The following NEGR1 variants were observed in gnomAD, a reference collection of about 807,000 sequenced individuals.
NEGR1 encodes the protein IgLON family member 4.
In NEGR1, 10 loss-of-function variants were observed where a neutral mutation model predicts 40.9. The ratio of observed to expected loss-of-function variants is 0.24; its 90% confidence interval spans 0.15 to 0.42. The LOEUF is 0.42. Among genes scored for constraint, NEGR1 ranks in the 10% least tolerant of loss-of-function variants. The pLI is 1.00. For synonymous variants in NEGR1, 185 were observed against 166.8 expected, an observed-to-expected ratio of 1.11 and a Z score of -0.84; for missense variants, 352 against 438.9, an observed-to-expected ratio of 0.80 and a Z score of 1.77.
intron 6 of NEGR1, chr1:71,422,558 T>TA (rs1646404496): frequency 6.6e-6 from 1 of 152,190 alleles, no homozygotes; most frequent in South Asian, 2.1e-4. Context: ...GACAGGGGCC[T>TA]AGGTCAAGCT....
At chr1:71,688,379 T>TATAAAAGATATAA (rs1382186485) in intron 4 of NEGR1, among the ~76,000 whole-genome samples, 7 of 10,450 alleles carry the variant, frequency 6.7e-4, no homozygotes, top group Non-Finnish European at 1.9e-3. Context: ...GATATATACA[T>TATAAAAGATATAA]AAAAGATATA....
At chr1:71,704,470 C>A (rs1049196908) in intron 3 of NEGR1, among the ~76,000 whole-genome samples, 24 of 151,546 alleles carry the variant, frequency 1.6e-4, no homozygotes, top group Non-Finnish European at 7.4e-5. Flanking sequence ...AAATAGTACA[C>A]CTCCAAGAAA....
At position 71,694,779 on chromosome 1, in the gene NEGR1, T is replaced by C. The variant is rs72678917; in HGVS notation, c.667+3229A>G. Among the ~76,000 whole-genome samples, 1,131 of 151,852 alleles carry C rather than the reference T, an allele frequency of 7.4e-3. 5 individuals are homozygous for C. The highest frequency in any genetic ancestry group is 0.012 in the Non-Finnish European group (828 of 67,796). ...CTGAATCTACCGGAGCTTATGAAAA[T>C]GTATTATATTTCATCTTGAACCCCA... On this transcript the variant is annotated intron_variant, in intron 4 of 6. Coordinates refer to ENST00000357731, the MANE Select transcript of NEGR1 (RefSeq NM_173808.3).
chr1:71,547,043 C>T (rs1367526910), intron 6 of NEGR1, among the ~76,000 whole-genome samples: 1 of 151,664 alleles, frequency 6.6e-6, no homozygotes, highest in Non-Finnish European at 1.5e-5. Context: ...GTTGCTTTTG[C>T]TCTTATTTTT....
intron 3 of NEGR1, among the ~76,000 whole-genome samples, chr1:71,699,546 T>C (rs1386762405): frequency 2.0e-5 from 3 of 151,792 alleles, no homozygotes; most frequent in Non-Finnish European, 4.4e-5. Flanking sequence ...CCTACTGAAA[T>C]ATATATTAAA....
At chr1:72,007,384 A>T (rs1478762071) in intron 1 of NEGR1, among the ~76,000 whole-genome samples, 1 of 139,598 alleles carries the variant, frequency 7.2e-6, no homozygotes, top group African/African-American at 2.7e-5. Context: ...TGAAAGAATT[A>T]AAAAAAAAAA....
chr1:72,228,165 A>C (rs1337016070), intron 1 of NEGR1, among the ~76,000 whole-genome samples: 1 of 152,074 alleles, frequency 6.6e-6, no homozygotes. Context: ...TGCCCAGATA[A>C]AGCATTATTT....
At chr1:72,035,464 A>G (rs1437417238) in intron 1 of NEGR1, among the ~76,000 whole-genome samples, 2 of 152,214 alleles carry the variant, frequency 1.3e-5, no homozygotes, top group African/African-American at 4.8e-5. Flanking sequence ...CAGAGGGCTC[A>G]GAAAGCTTGA....
chr1:72,051,815 G>A (rs1046279776), intron 1 of NEGR1, among the ~76,000 whole-genome samples: 8 of 151,368 alleles, frequency 5.3e-5, no homozygotes, highest in African/African-American at 1.7e-4. Context: ...CTACTGTCCC[G>A]AAAGTTGTCA....
In NEGR1 at chr1:72,187,450, C is replaced by G. The variant is rs909978338; in HGVS notation, c.176+94869G>C. Among the ~76,000 whole-genome samples, 5 of 151,332 alleles carry G rather than the reference C, an allele frequency of 3.3e-5. No homozygotes were observed. The Admixed American group carries it at 3.3e-4, about 10-fold the overall frequency. ...ATCAATTAAACCAAGAATTTAGCAT[C>G]AGAGCATCTTTGAATGCTACTCATA... On this transcript the variant is annotated intron_variant, in intron 1 of 6. Coordinates refer to ENST00000357731, the MANE Select transcript of NEGR1 (RefSeq NM_173808.3).
At chr1:71,735,531 T>C (rs1338049055) in intron 3 of NEGR1, among the ~76,000 whole-genome samples, 1 of 151,868 alleles carries the variant, frequency 6.6e-6, no homozygotes. Context: ...ACATGATTTA[T>C]AGAAAAACAT....
chr1:71,848,565 T>C (rs1182488722), intron 2 of NEGR1, among the ~76,000 whole-genome samples: 5 of 152,198 alleles, frequency 3.3e-5, no homozygotes, highest in African/African-American at 1.2e-4. Flanking sequence ...AGCACATCTG[T>C]TTACAGTATG....
intron 1 of NEGR1, among the ~76,000 whole-genome samples, chr1:72,014,634 A>G (rs1257463152): frequency 6.6e-6 from 1 of 152,078 alleles, no homozygotes; most frequent in African/African-American, 2.4e-5. Flanking sequence ...TTTCCATAAA[A>G]TAACAATATT....
chr1:72,273,561 A>G (rs1200680896), intron 1 of NEGR1, among the ~76,000 whole-genome samples: 1 of 151,904 alleles, frequency 6.6e-6, no homozygotes, highest in Admixed American at 6.6e-5. Context: ...CGACAGTAAG[A>G]ATACCCTTGA....
At chr1:71,751,019 G>A (rs1261147799) in intron 3 of NEGR1, among the ~76,000 whole-genome samples, 1 of 151,720 alleles carries the variant, frequency 6.6e-6, no homozygotes, top group Non-Finnish European at 1.5e-5. Context: ...TTATACAGGT[G>A]TACTTTCATT....
At chr1:71,928,485 T>TATATACACACATAC (rs1645820965) in intron 2 of NEGR1, among the ~76,000 whole-genome samples, 1 of 142,518 alleles carries the variant, frequency 7.0e-6, no homozygotes, top group East Asian at 2.0e-4. Flanking sequence ...CACATATATA[T>TATATACACACATAC]GTATATATAC....
intron 2 of NEGR1, among the ~76,000 whole-genome samples, chr1:71,873,199 A>G (rs1191540214): frequency 6.6e-6 from 1 of 151,278 alleles, no homozygotes; most frequent in Admixed American, 6.6e-5. Flanking sequence ...ATTTATCTAC[A>G]TGAATAACAT....
At chr1:71,830,142 A>C (rs1323149750) in intron 2 of NEGR1, among the ~76,000 whole-genome samples, 1 of 151,894 alleles carries the variant, frequency 6.6e-6, no homozygotes, top group Non-Finnish European at 1.5e-5. Context: ...GGGTCTCCAA[A>C]CATTTCAAAA....
chr1:71,480,617 G>T (rs1646848455), intron 6 of NEGR1, among the ~76,000 whole-genome samples: 1 of 151,838 alleles, frequency 6.6e-6, no homozygotes, highest in Admixed American at 6.6e-5. Context: ...TGAAGTTGTA[G>T]TATTAATATT....
Sources: allele counts gnomAD v4.1 joint callset (sites outside exome capture counted in the v4.1 genomes callset), GRCh38; gene constraint gnomAD v4.1.1; transcripts MANE v1.5; gene names NCBI Gene and HGNC (gene_info 2026-07-23, HGNC 2026-07-21).